The following GNE variants were observed in gnomAD, a reference collection of about 807,000 sequenced individuals.
The protein encoded by GNE is glucosamine (UDP-N-acetyl)-2-epimerase/N-acetylmannosamine kinase.
In GNE, 41 loss-of-function variants were observed where a neutral mutation model predicts 61.8. The observed-to-expected ratio is 0.66, with a 90% CI of 0.52 to 0.86. The LOEUF is 0.86. GNE is among the 40% of genes least tolerant of loss of function. The pLI is 0.00. For missense variants in GNE, 608 were observed against 909.1 expected, an observed-to-expected ratio of 0.67 and a Z score of 4.26; for synonymous variants, 264 against 326.4, an observed-to-expected ratio of 0.81 and a Z score of 2.06.
intron 3 of GNE, among the ~76,000 whole-genome samples, chr9:36,245,530 C>T (rs1049974742): frequency 2.0e-5 from 3 of 151,598 alleles, no homozygotes; most frequent in East Asian, 2.0e-4. Flanking sequence ...AAAAATTAGC[C>T]GGTCATGGTG....
intron 7 of GNE, among the ~76,000 whole-genome samples, chr9:36,224,606 C>T (rs574865342): frequency 3.0e-4 from 45 of 152,262 alleles, no homozygotes; most frequent in Non-Finnish European, 4.7e-4. Flanking sequence ...TGGTGGCTCA[C>T]GCCTGTAATC....
At chr9:36,231,163 A>G (rs1829141500) in intron 5 of GNE, among the ~76,000 whole-genome samples, 1 of 152,122 alleles carries the variant, frequency 6.6e-6, no homozygotes, top group Non-Finnish European at 1.5e-5. Flanking sequence ...AAAGAAGGAA[A>G]GAAAACAAAC....
At chr9:36,239,848 GTATTT>G (rs1275676910) in intron 3 of GNE, among the ~76,000 whole-genome samples, 4 of 151,476 alleles carry the variant, frequency 2.6e-5, no homozygotes, top group Admixed American at 6.6e-5. Flanking sequence ...ATATTCCTAA[GTATTT>G]TATTTTATTT....
At chr9:36,242,390 A>G (rs760225249) in intron 3 of GNE, among the ~76,000 whole-genome samples, 11 of 151,892 alleles carry the variant, frequency 7.2e-5, no homozygotes, top group East Asian at 1.9e-4. Flanking sequence ...GTACAATTCA[A>G]TTTTGCTACA....
chr9:36,260,645 G>A (rs1423430767), upstream of GNE, among the ~76,000 whole-genome samples: 10 of 151,878 alleles, frequency 6.6e-5, no homozygotes, highest in South Asian at 2.1e-4. Context: ...CGAGGCGGGC[G>A]GATCACAAGG....
chr9:36,214,599 A>G lies in GNE; in HGVS notation c.*2766T>C, dbSNP rs886063916. On this transcript the variant is annotated 3_prime_UTR_variant, in exon 12 of 12. Transcript: ENST00000642385. The stretch of plus-strand genomic sequence containing the variant: ...TCCCATGAGTTTAATAAAAACTAAT[A>G]TTTGGTTTTAGATTCAATACCATCC... 2.6e-5 allele frequency: 4 copies of G among 152,328 alleles called. No homozygotes were observed. In the East Asian group the frequency reaches 7.7e-4, roughly 29 times the overall value. 9.4% of individuals were successfully genotyped at this position (152,328 alleles called of 1,614,324 possible).
chr9:36,261,473 A>G (rs936895586), upstream of GNE, among the ~76,000 whole-genome samples: 1 of 151,434 alleles, frequency 6.6e-6, no homozygotes, highest in African/African-American at 2.4e-5. Context: ...GAATAAATGG[A>G]ACCCAGGAGG....
At chr9:36,245,893 A>G in intron 3 of GNE, 138 bp downstream of exon 3, 1 of 670,026 alleles carries the variant, frequency 1.5e-6, no homozygotes, top group Non-Finnish European at 2.6e-6. Context: ...CCACAGGGCA[A>G]GGTCTATGAA....
intron 1 of GNE, among the ~76,000 whole-genome samples, chr9:36,265,809 A>G (rs567809736): frequency 8.9e-4 from 136 of 152,322 alleles, no homozygotes; most frequent in African/African-American, 2.9e-3. Context: ...GCCGTTCACA[A>G]TAGGATTTGT....
chr9:36,244,653 AT>A (rs931279280), intron 3 of GNE, among the ~76,000 whole-genome samples: 20 of 152,060 alleles, frequency 1.3e-4, no homozygotes, highest in African/African-American at 4.8e-4. Context: ...AAAAATAAAA[AT>A]GAGCCAGGCG....
At chr9:36,252,601 A>G (rs574988261) in intron 1 of GNE, among the ~76,000 whole-genome samples, 158 of 152,334 alleles carry the variant, frequency 1.0e-3, no homozygotes, top group Middle Eastern at 3.4e-3. Flanking sequence ...AGAAACCTAA[A>G]AAACCTTAAA....
chr9:36,254,406 C>T (rs1395523672), intron 1 of GNE, among the ~76,000 whole-genome samples: 2 of 151,852 alleles, frequency 1.3e-5, no homozygotes, highest in African/African-American at 4.8e-5. Flanking sequence ...GTTGTGCACA[C>T]CTGCGGTCCT....
intron 1 of GNE, among the ~76,000 whole-genome samples, chr9:36,270,183 G>A (rs117442560): frequency 0.048 from 7,344 of 152,040 alleles, 247 homozygotes; most frequent in Non-Finnish European, 0.077. Flanking sequence ...GGCTGGTATC[G>A]AACTCCTGGC....
chr9:36,217,612 C>A lies in GNE; in HGVS notation c.1934-12G>T, dbSNP rs1450233778. ...CAAAGCTGTTCCAGCTATAGGGAGACAAAAATTAAAATGAGTTTCTGAGAG... is the reference window on the plus strand; with the variant it reads ...CAAAGCTGTTCCAGCTATAGGGAGAAAAAAATTAAAATGAGTTTCTGAGAG... On this transcript the variant is annotated splice_polypyrimidine_tract_variant and intron_variant, in intron 11 of 11. Coordinates refer to ENST00000642385, the MANE Select transcript of GNE (RefSeq NM_005476.7). 2 of 1,566,850 alleles carry A rather than the reference C, an allele frequency of 1.3e-6. No homozygotes were observed. Among genetic ancestry groups the A allele is most frequent in the Non-Finnish European group, 1.8e-6 (2 of 1,137,806 alleles).
At chr9:36,238,121 G>GAT (rs1563941269) in intron 3 of GNE, among the ~76,000 whole-genome samples, 2 of 98,376 alleles carry the variant, frequency 2.0e-5, no homozygotes, top group Non-Finnish European at 2.1e-5. Context: ...GATATATATA[G>GAT]ATACACACAC....
intron 1 of GNE, among the ~76,000 whole-genome samples, chr9:36,253,021 G>T (rs1454527395): frequency 6.6e-6 from 1 of 152,068 alleles, no homozygotes; most frequent in Admixed American, 6.6e-5. Context: ...AATTAGCCAG[G>T]TGTTGTGGCA....
At chr9:36,259,918 TC>T (rs1328595794), upstream of GNE, among the ~76,000 whole-genome samples, 1 of 152,072 alleles carries the variant, frequency 6.6e-6, no homozygotes, top group Admixed American at 6.5e-5. Flanking sequence ...CACTTTGGCC[TC>T]CCAAAGTGCT....
At chr9:36,236,761 G>A (rs1587318475) in intron 4 of GNE, 71 bp downstream of exon 4, 4 of 1,325,020 alleles carry the variant, frequency 3.0e-6, no homozygotes, top group Non-Finnish European at 4.4e-6. Flanking sequence ...TAGGAAGGCA[G>A]TTAAAAGAAG....
chr9:36,255,086 T>C (rs1472748340), intron 1 of GNE, among the ~76,000 whole-genome samples: 1 of 152,256 alleles, frequency 6.6e-6, no homozygotes, highest in Non-Finnish European at 1.5e-5. Context: ...TCAGTTTAGG[T>C]AGAATAACCT....
Sources: allele counts gnomAD v4.1 joint callset (sites outside exome capture counted in the v4.1 genomes callset), GRCh38; gene constraint gnomAD v4.1.1; transcripts MANE v1.5; gene names NCBI Gene and HGNC (gene_info 2026-07-23, HGNC 2026-07-21).